The following RBM46 variants were observed in gnomAD, a reference collection of about 807,000 sequenced individuals.
RBM46 encodes RNA binding motif protein 46.
In RBM46, 12 loss-of-function variants were observed where a neutral mutation model predicts 43.3. The observed-to-expected ratio is 0.28, with a 90% confidence interval of 0.18 to 0.45. The LOEUF (loss-of-function observed/expected upper bound fraction) is 0.45, where lower values mean the gene tolerates loss of function less well. Ranked by LOEUF, RBM46 falls within the 20% of genes least tolerant of loss-of-function variation. The pLI, the probability that RBM46 is intolerant of heterozygous loss-of-function variation, is 1.00. For synonymous variants in RBM46, 205 were observed against 207.6 expected (o/e 0.99, Z 0.11); for missense variants, 412 against 639.1 (o/e 0.64, Z 3.83).
At chr4:154,821,736 T>A in intron 4 of RBM46, among the ~76,000 whole-genome samples, 1 of 151,840 alleles carries the variant, frequency 6.6e-6, no homozygotes. Flanking sequence ...AAGATTTTGT[T>A]CTGTTTTGTT....
intron 4 of RBM46, among the ~76,000 whole-genome samples, chr4:154,804,814 GTTTTTTTTTTTT>G (rs575968520): frequency 1.8e-5 from 2 of 113,250 alleles, no homozygotes; most frequent in Admixed American, 1.8e-4. Context: ...GATTAAGGTT[GTTTTTTTTTTTT>G]TTTTTTTTTT....
intron 1 of RBM46, among the ~76,000 whole-genome samples, chr4:154,786,028 A>G (rs778022876): frequency 6.6e-6 from 1 of 152,214 alleles, no homozygotes; most frequent in Non-Finnish European, 1.5e-5. Context: ...AGGAATGGTG[A>G]TAGAAAAATA....
chr4:154,800,938 A>T (rs901714908), intron 4 of RBM46, among the ~76,000 whole-genome samples: 1 of 151,902 alleles, frequency 6.6e-6, no homozygotes, highest in Non-Finnish European at 1.5e-5. Context: ...GCTTGCTTTT[A>T]TATATTGTTT....
chr4:154,785,876 T>C (rs994707938), intron 1 of RBM46, among the ~76,000 whole-genome samples: 40 of 152,304 alleles, frequency 2.6e-4, no homozygotes, highest in African/African-American at 9.1e-4. Context: ...GGTTTTCTTG[T>C]CTACAGTATT....
intron 1 of RBM46, among the ~76,000 whole-genome samples, chr4:154,785,295 TA>T (rs532879873): frequency 2.2e-4 from 33 of 152,080 alleles, no homozygotes; most frequent in Non-Finnish European, 4.6e-4. Context: ...ATAATCTCTT[TA>T]AAAATAGAAC....
intron 4 of RBM46, among the ~76,000 whole-genome samples, chr4:154,808,167 A>G (rs1376174655): frequency 6.6e-6 from 1 of 152,004 alleles, no homozygotes; most frequent in East Asian, 1.9e-4. Context: ...CTTTGTTACT[A>G]TTCTTGTGTG....
chr4:154,816,510 A>AT (rs1329884078), intron 4 of RBM46, among the ~76,000 whole-genome samples: 1 of 152,056 alleles, frequency 6.6e-6, no homozygotes, highest in Non-Finnish European at 1.5e-5. Context: ...ACTTATCTTA[A>AT]TTTCAGTTTC....
Position 154,802,078 on chromosome 4 carries a change from A to G in RBM46, c.1402+2514A>G, listed in dbSNP as rs187411306. ...TTAATATAATGTAAGCAAAATTCAC[A>G]TATAAACAAAAAGATTAAACAAAAC... is the stretch of plus-strand genomic sequence containing the variant. On this transcript the variant is annotated intron_variant, in intron 4 of 4. Transcript: ENST00000281722. Among the ~76,000 whole-genome samples, 836 of 152,376 alleles carry G rather than the reference A, an allele frequency of 5.5e-3. 9 individuals are homozygous for G. Among genetic ancestry groups the G allele is most frequent in the Non-Finnish European group, 5.8e-3 (394 of 68,038 alleles).
At chr4:154,782,527 A>G (rs142633463) in intron 1 of RBM46, among the ~76,000 whole-genome samples, 137 of 152,282 alleles carry the variant, frequency 9.0e-4, no homozygotes, top group Admixed American at 2.0e-3. Flanking sequence ...TCTGTCTCCC[A>G]GGCGGGAGAG....
At position 154,799,906 on chromosome 4, in the gene RBM46, C is replaced by T. The variant is rs368159676; in HGVS notation, c.1402+342C>T. Among the ~76,000 whole-genome samples the T allele has an allele frequency of 8.6e-5, 13 of 152,012 alleles. No homozygotes were observed. The East Asian group carries it at 9.7e-4, about 11-fold the overall frequency. On this transcript the variant is annotated intron_variant, in intron 4 of 4. Transcript: ENST00000281722. Reference sequence around the variant, plus strand: ...TCCCGCGTAGCTGGGACTACAGGCACGTGCCACCATGCCAGGCTAATTTTT... The same window carrying T: ...TCCCGCGTAGCTGGGACTACAGGCATGTGCCACCATGCCAGGCTAATTTTT...
chr4:154,801,171 G>A (rs2111145197), intron 4 of RBM46, among the ~76,000 whole-genome samples: 1 of 152,158 alleles, frequency 6.6e-6, no homozygotes, highest in East Asian at 1.9e-4. Context: ...TAGAGACAGG[G>A]TTTCACGACG....
intron 1 of RBM46, among the ~76,000 whole-genome samples, chr4:154,792,396 C>A (rs1391516025): frequency 1.3e-5 from 2 of 152,122 alleles, no homozygotes; most frequent in Non-Finnish European, 2.9e-5. Flanking sequence ...CAAAATCTGA[C>A]CAACAACTGG....
rs561609218 is a variant in RBM46, at chr4:154,826,865, A to G, written c.1403-1003A>G. On this transcript the variant is annotated intron_variant, in intron 4 of 4. Coordinates refer to ENST00000281722, the MANE Select transcript of RBM46 (RefSeq NM_144979.5). Reference sequence around the variant, plus strand: ...ATGACAACATTAAGTTAATGCACCTATGGTGTAGGCATCATTTATAGTACC... The same window carrying G: ...ATGACAACATTAAGTTAATGCACCTGTGGTGTAGGCATCATTTATAGTACC... 352 of 1,496,854 alleles carry G rather than the reference A, an allele frequency of 2.4e-4. 2 individuals carry two copies. In the African/African-American group the frequency reaches 4.5e-3, roughly 19 times the overall value. The allele number at this position is 1,496,854 out of a possible 1,614,324, so 92.7% of individuals were successfully genotyped here.
intron 4 of RBM46, among the ~76,000 whole-genome samples, chr4:154,816,294 T>G (rs1431419356): frequency 1.3e-5 from 2 of 152,084 alleles, no homozygotes; most frequent in Admixed American, 1.3e-4. Flanking sequence ...GGGATTTTGA[T>G]TGGAACGGAA....
intron 4 of RBM46, among the ~76,000 whole-genome samples, chr4:154,824,204 T>C (rs1055166035): frequency 7.9e-5 from 12 of 152,050 alleles, no homozygotes; most frequent in Admixed American, 2.6e-4. Flanking sequence ...ATGGGTATGA[T>C]TAAAATTGCT....
At chr4:154,817,453 C>T (rs965081874) in intron 4 of RBM46, among the ~76,000 whole-genome samples, 1 of 151,640 alleles carries the variant, frequency 6.6e-6, no homozygotes, top group Admixed American at 6.6e-5. Context: ...TTGCCTCAGC[C>T]TCCCGAGTAG....
intron 4 of RBM46, among the ~76,000 whole-genome samples, chr4:154,809,845 A>G (rs1055105101): frequency 2.2e-4 from 34 of 152,186 alleles, no homozygotes; most frequent in African/African-American, 8.2e-4. Flanking sequence ...TAAAATACAA[A>G]AGGATTCAGA....
At chr4:154,819,093 A>AT (rs2111203696) in intron 4 of RBM46, among the ~76,000 whole-genome samples, 1 of 152,132 alleles carries the variant, frequency 6.6e-6, no homozygotes, top group African/African-American at 2.4e-5. Flanking sequence ...ATGACTGGTT[A>AT]TTTTTTATTC....
intron 4 of RBM46, among the ~76,000 whole-genome samples, chr4:154,805,604 G>A (rs1322975042): frequency 6.6e-6 from 1 of 151,824 alleles, no homozygotes; most frequent in Non-Finnish European, 1.5e-5. Context: ...TTTTGTGAAA[G>A]TATACTATTG....
Sources: allele counts gnomAD v4.1 joint callset (sites outside exome capture counted in the v4.1 genomes callset), GRCh38; gene constraint gnomAD v4.1.1; transcripts MANE v1.5; gene names NCBI Gene and HGNC (gene_info 2026-07-23, HGNC 2026-07-21).